Variants in MYO3A observed in about 807,000 individuals in gnomAD.
MYO3A encodes myosin IIIA, also known as myosin-IIIa.
A neutral mutation model predicts 192.7 loss-of-function variants in MYO3A; 180 were observed. The ratio of observed to expected loss-of-function variants is 0.93; its 90% confidence interval spans 0.83 to 1.06. The LOEUF (loss-of-function observed/expected upper bound fraction) is 1.06. Ranked by LOEUF, MYO3A falls within the 50% of genes least tolerant of loss-of-function variation. The pLI, the probability that MYO3A is intolerant of heterozygous loss-of-function variation, is 0.00. For missense variants in MYO3A, 1,896 were observed against 1,905.0 expected (o/e 1.00, Z 0.09); for synonymous variants, 628 against 645.3 (o/e 0.97, Z 0.41).
chr10:26,126,398 A>G (rs899902431), intron 19 of MYO3A, among the ~76,000 whole-genome samples: 1 of 152,098 alleles, frequency 6.6e-6, no homozygotes. Context: ...CAAGTATGCA[A>G]TTCATTATTA....
intron 10 of MYO3A, among the ~76,000 whole-genome samples, chr10:26,044,574 G>A (rs1843532497): frequency 6.6e-6 from 1 of 152,158 alleles, no homozygotes; most frequent in Non-Finnish European, 1.5e-5. Context: ...TGGCCTTGCG[G>A]GAGTCATTTT....
intron 10 of MYO3A, among the ~76,000 whole-genome samples, chr10:26,057,118 G>A (rs35000419): frequency 0.47 from 71,949 of 152,090 alleles, 17,869 homozygotes; most frequent in Middle Eastern, 0.59. Flanking sequence ...GAGGCTGATA[G>A]CAGTGCTGAT....
At chr10:26,040,123 C>T (rs1385631468) in intron 10 of MYO3A, among the ~76,000 whole-genome samples, 5 of 148,224 alleles carry the variant, frequency 3.4e-5, no homozygotes, top group African/African-American at 9.9e-5. Context: ...TTCTTAATGT[C>T]TTCATTGACC....
intron 6 of MYO3A, among the ~76,000 whole-genome samples, chr10:26,003,825 G>T (rs1017688700): frequency 6.6e-6 from 1 of 152,098 alleles, no homozygotes; most frequent in Non-Finnish European, 1.5e-5. Context: ...TGTACTTTTT[G>T]TGATTTATTT....
At position 26,120,260 on chromosome 10, in the gene MYO3A, T is replaced by C. The variant is rs1189745533; in HGVS notation, c.1777-416T>C. On this transcript the variant is annotated intron_variant, in intron 17 of 34. Coordinates refer to ENST00000642920, the MANE Select transcript of MYO3A (RefSeq NM_017433.5). Reference sequence around the variant, plus strand: ...TGATTTTTCTTTCTTAGTCCTCCTTTATTCATACATATAGCCTCACTTTTA... The same window carrying C: ...TGATTTTTCTTTCTTAGTCCTCCTTCATTCATACATATAGCCTCACTTTTA... Among the ~76,000 whole-genome samples, 4 of 152,190 alleles carry C rather than the reference T, an allele frequency of 2.6e-5. No individual in the cohort carries two copies. The East Asian group carries it at 7.7e-4, about 29-fold the overall frequency.
intron 10 of MYO3A, among the ~76,000 whole-genome samples, chr10:26,033,344 G>T (rs1842887686): frequency 6.6e-6 from 1 of 152,162 alleles, no homozygotes; most frequent in South Asian, 2.1e-4. Flanking sequence ...CTCCCAAAGT[G>T]CTGGGATTAC....
chr10:26,176,634 C>T (rs1185195232), intron 30 of MYO3A, 67 bp from the exon 31 acceptor site: 1 of 1,466,082 alleles, frequency 6.8e-7, no homozygotes, highest in Non-Finnish European at 9.4e-7. Context: ...TTTCCCAGCC[C>T]CCGGTGCCTG....
chr10:26,015,249 A>G (rs1321700418), intron 6 of MYO3A, among the ~76,000 whole-genome samples: 3 of 151,776 alleles, frequency 2.0e-5, no homozygotes, highest in East Asian at 1.9e-4. Flanking sequence ...GTATCTTCTC[A>G]TTATACCAAC....
At chr10:25,941,270 A>G (rs112667661) in intron 2 of MYO3A, among the ~76,000 whole-genome samples, 310 of 152,300 alleles carry the variant, frequency 2.0e-3, no homozygotes, top group African/African-American at 5.2e-3. Context: ...TTTCTGTCCT[A>G]CAGGGACAGG....
At chr10:26,023,272 T>C (rs1395584656) in intron 8 of MYO3A, 1 of 152,282 alleles carries the variant, frequency 6.6e-6, no homozygotes, top group Non-Finnish European at 1.5e-5. Flanking sequence ...ACAAAGTATT[T>C]CCATTTCACT....
At chr10:26,021,762 G>A in intron 8 of MYO3A, 114 bp downstream of exon 8, 1 of 1,382,812 alleles carries the variant, frequency 7.2e-7, no homozygotes, top group Non-Finnish European at 1.0e-6. Flanking sequence ...CAAGTTGGGA[G>A]CAGAAGATCC....
At chr10:25,972,024 C>A (rs1254130477) in intron 4 of MYO3A, among the ~76,000 whole-genome samples, 1 of 152,076 alleles carries the variant, frequency 6.6e-6, no homozygotes, top group African/African-American at 2.4e-5. Context: ...TACCTGAATG[C>A]TTCTCATTAA....
intron 31 of MYO3A, among the ~76,000 whole-genome samples, chr10:26,179,990 C>T (rs1358497774): frequency 6.6e-6 from 1 of 152,118 alleles, no homozygotes; most frequent in Non-Finnish European, 1.5e-5. Flanking sequence ...TGCGGCACCA[C>T]GCCTGGCTAC....
intron 23 of MYO3A, among the ~76,000 whole-genome samples, chr10:26,151,957 T>G (rs1935483): frequency 0.14 from 21,770 of 152,228 alleles, 1,790 homozygotes; most frequent in East Asian, 0.31. Flanking sequence ...CTAGTCGGTG[T>G]TACTTTATCT....
intron 34 of MYO3A, among the ~76,000 whole-genome samples, chr10:26,206,302 C>G (rs556185111): frequency 4.7e-5 from 7 of 149,556 alleles, no homozygotes; most frequent in African/African-American, 1.5e-4. Flanking sequence ...CTCAAGTGAT[C>G]CATCCGCCTC....
chr10:26,131,222 A>G (rs551345348), intron 20 of MYO3A, among the ~76,000 whole-genome samples: 2 of 152,300 alleles, frequency 1.3e-5, no homozygotes, highest in East Asian at 3.9e-4. Context: ...TATTTAGTCC[A>G]ATTTCAGTGT....
chr10:25,944,973 G>A (rs534173144), intron 2 of MYO3A, among the ~76,000 whole-genome samples: 1 of 151,894 alleles, frequency 6.6e-6, no homozygotes, highest in Non-Finnish European at 1.5e-5. Flanking sequence ...AAAGTGTAAA[G>A]TTACGTCATT....
In MYO3A at chr10:25,990,947, A is replaced by G. The variant is rs530535034; in HGVS notation, c.304-5543A>G. Among the ~76,000 whole-genome samples the G allele has an allele frequency of 1.4e-4, 22 of 152,204 alleles. 2 individuals carry two copies. In the South Asian group the frequency reaches 4.6e-3, roughly 32 times the overall value. On this transcript the variant is annotated intron_variant, in intron 4 of 34. Transcript: ENST00000642920. Reference sequence around the variant, plus strand: ...TTTGGGTTGGTTCCAAGTCTTTGCTATTGTGAGTAGTGCCGCAATAAACAT... The same window carrying G: ...TTTGGGTTGGTTCCAAGTCTTTGCTGTTGTGAGTAGTGCCGCAATAAACAT...
intron 31 of MYO3A, among the ~76,000 whole-genome samples, chr10:26,187,603 T>C (rs998615117): frequency 2.6e-5 from 4 of 151,340 alleles, no homozygotes; most frequent in African/African-American, 9.7e-5. Context: ...AACTTGTCAT[T>C]TAACATTAGG....
Sources: gnomAD v4.1 joint callset for allele counts (sites outside exome capture counted in the v4.1 genomes callset) on GRCh38, gnomAD v4.1.1 for gene constraint, MANE v1.5 for transcripts, NCBI Gene and HGNC (gene_info 2026-07-23, HGNC 2026-07-21) for gene names.